PINX1: variants seen among roughly 807,000 people sequenced by gnomAD.
PINX1 encodes the protein PIN2/TERF1-interacting telomerase inhibitor 1.
PINX1 carries 34 observed loss-of-function variants against 25.4 expected under a neutral mutation model. The observed-to-expected ratio is 1.34, with a 90% CI of 1.02 to 1.78. PINX1 has a LOEUF of 1.78. Ranked by LOEUF, PINX1 falls within the 40% of genes most tolerant of loss-of-function variation. The pLI is 0.00. For synonymous variants in PINX1, 197 were observed against 147.7 expected (o/e 1.33, Z -2.42); for missense variants, 592 against 404.9 (o/e 1.46, Z -3.97).
chr8:10,783,262 C>A (rs755191411), intron 6 of PINX1, among the ~76,000 whole-genome samples: 1 of 152,010 alleles, frequency 6.6e-6, no homozygotes, highest in African/African-American at 2.4e-5. Context: ...TAAAAAAGAA[C>A]CTCTTAACCT....
chr8:10,827,501 G>A (rs562950640), intron 4 of PINX1, among the ~76,000 whole-genome samples: 6 of 152,178 alleles, frequency 3.9e-5, no homozygotes, highest in Admixed American at 6.5e-5. Context: ...TCTCTCACCT[G>A]TATCTGCTTG....
chr8:10,787,027 G>A (rs1377799489), intron 6 of PINX1, among the ~76,000 whole-genome samples: 4 of 152,086 alleles, frequency 2.6e-5, no homozygotes, highest in Non-Finnish European at 5.9e-5. Context: ...CAAGTATTCT[G>A]GTTGTAAAAC....
intron 6 of PINX1, among the ~76,000 whole-genome samples, chr8:10,806,555 T>G (rs1259504518): frequency 6.6e-6 from 1 of 152,204 alleles, no homozygotes; most frequent in Admixed American, 6.5e-5. Flanking sequence ...TGTTACACTT[T>G]TGAATTGAAA....
At chr8:10,825,804 T>C (rs1166247712) in intron 5 of PINX1, among the ~76,000 whole-genome samples, 4 of 152,252 alleles carry the variant, frequency 2.6e-5, no homozygotes, top group African/African-American at 7.2e-5. Context: ...AAAAACACCA[T>C]GCAGCTAAAA....
intron 6 of PINX1, among the ~76,000 whole-genome samples, chr8:10,817,206 G>C (rs1429942137): frequency 6.6e-6 from 1 of 152,190 alleles, no homozygotes; most frequent in East Asian, 1.9e-4. Flanking sequence ...CACTACCACG[G>C]TTTCCAGGAC....
At chr8:10,803,908 A>T (rs117739812) in intron 6 of PINX1, among the ~76,000 whole-genome samples, 7 of 152,376 alleles carry the variant, frequency 4.6e-5, no homozygotes, top group African/African-American at 9.6e-5. Context: ...AGGGCTATCA[A>T]TTAAGAAGCA....
At chr8:10,795,410 C>T (rs572207815) in intron 6 of PINX1, among the ~76,000 whole-genome samples, 5 of 152,270 alleles carry the variant, frequency 3.3e-5, no homozygotes, top group Admixed American at 1.3e-4. Flanking sequence ...AGTCTCTCTC[C>T]CCCACACCAA....
At position 10,834,695 on chromosome 8, in the gene PINX1, G is replaced by A; in HGVS notation, c.100C>T (p.Leu34=). The change falls in exon 2 of 7, where the codon CTA becomes TTA. Residue 34 remains leucine (L), a synonymous_variant. Transcript: ENST00000314787. ...NDDSKFGQRM[L]EKMGWSKGKG... is the part of the protein sequence containing the mutation. ...CCTTTAGACCACCCCATCTTCTCTAGCATCCGCTGGCCAAACTTGGAATCG... is the reference window on the plus strand; with the variant it reads ...CCTTTAGACCACCCCATCTTCTCTAACATCCGCTGGCCAAACTTGGAATCG... 1 of 1,613,594 alleles carries A rather than the reference G, an allele frequency of 6.2e-7. No individual in the cohort carries two copies. The highest frequency in any genetic ancestry group is 1.1e-5 in the South Asian group (1 of 91,052).
chr8:10,837,888 T>C (rs1798450890), intron 1 of PINX1, among the ~76,000 whole-genome samples: 1 of 152,220 alleles, frequency 6.6e-6, no homozygotes, highest in Admixed American at 6.5e-5. Flanking sequence ...CCTCCGTACT[T>C]GAGTCCTTAC....
chr8:10,839,618 C>T (rs1017124948), intron 1 of PINX1, 120 bp downstream of exon 1: 1 of 1,036,380 alleles, frequency 9.6e-7, no homozygotes. Flanking sequence ...TCCCCGGTCC[C>T]CCGATCCCAT....
intron 5 of PINX1, among the ~76,000 whole-genome samples, chr8:10,824,075 C>A (rs990645941): frequency 1.3e-5 from 2 of 151,478 alleles, no homozygotes; most frequent in African/African-American, 2.4e-5. Flanking sequence ...TTATTATCTA[C>A]AATGCTGAAA....
chr8:10,791,204 G>A (rs1398054891), intron 6 of PINX1, among the ~76,000 whole-genome samples: 1 of 152,152 alleles, frequency 6.6e-6, no homozygotes, highest in Non-Finnish European at 1.5e-5. Flanking sequence ...GAGCCATCAT[G>A]CCCAGCCAAA....
chr8:10,834,402 G>A (rs1307023622), intron 2 of PINX1: 1 of 422,614 alleles, frequency 2.4e-6, no homozygotes, highest in East Asian at 4.6e-5. Context: ...CTGGAGTCAA[G>A]AATAAATGGA....
intron 6 of PINX1, among the ~76,000 whole-genome samples, chr8:10,790,894 G>A (rs1282240079): frequency 2.0e-5 from 3 of 151,782 alleles, no homozygotes; most frequent in South Asian, 2.1e-4. Context: ...GGGCTCTCAG[G>A]GAAAAAAAAA....
intron 6 of PINX1, among the ~76,000 whole-genome samples, chr8:10,774,058 G>A (rs1801312418): frequency 6.6e-6 from 1 of 152,282 alleles, no homozygotes; most frequent in South Asian, 2.1e-4. Flanking sequence ...TCCAGAGGCA[G>A]GACAAACAGC....
intron 6 of PINX1, among the ~76,000 whole-genome samples, chr8:10,815,470 A>T (rs1797669513): frequency 6.6e-6 from 1 of 152,238 alleles, no homozygotes; most frequent in Admixed American, 6.5e-5. Flanking sequence ...TACTATGCGC[A>T]CAAAGAAAAT....
Position 10,839,802 on chromosome 8 carries a change from G to C in PINX1, c.-46C>G. On this transcript the variant is annotated 5_prime_UTR_variant, in exon 1 of 7. Coordinates refer to ENST00000314787, the MANE Select transcript of PINX1 (RefSeq NM_017884.6). The stretch of plus-strand genomic sequence containing the variant: ...GCCGCCTCTGGACCTGGGTGACTGC[G>C]GCCACTGGGCGGGCTGGAGACTCCA... The C allele has an allele frequency of 6.3e-7, 1 of 1,581,478 alleles. No homozygotes were observed. The highest frequency in any genetic ancestry group is 8.6e-7 in the Non-Finnish European group (1 of 1,160,844).
chr8:10,792,309 C>G, intron 6 of PINX1, among the ~76,000 whole-genome samples: 1 of 151,944 alleles, frequency 6.6e-6, no homozygotes, highest in Non-Finnish European at 1.5e-5. Flanking sequence ...TCTTACTGAC[C>G]CTTTTGTCCT....
At chr8:10,827,589 A>G (rs1030171006) in intron 4 of PINX1, among the ~76,000 whole-genome samples, 5 of 152,066 alleles carry the variant, frequency 3.3e-5, no homozygotes, top group Admixed American at 1.3e-4. Flanking sequence ...TTTTAAGAAC[A>G]TTCAGATATG....
Sources: gnomAD v4.1 joint callset for allele counts (sites outside exome capture counted in the v4.1 genomes callset) on GRCh38, gnomAD v4.1.1 for gene constraint, MANE v1.5 for transcripts, NCBI Gene and HGNC (gene_info 2026-07-23, HGNC 2026-07-21) for gene names.